AMZ1: variants seen among roughly 807,000 people sequenced by gnomAD.
AMZ1 encodes archaemetzincin-1.
In AMZ1, 39 loss-of-function variants were observed where a neutral mutation model predicts 29.9. The observed-to-expected ratio is 1.30, with a 90% CI of 1.01 to 1.70. The LOEUF is 1.70. Ranked by LOEUF, AMZ1 falls within the 40% of genes most tolerant of loss-of-function variation. The probability of loss-of-function intolerance (pLI) is 0.00; values close to 1 mark genes in which losing one functional copy is unlikely to be tolerated. For synonymous variants in AMZ1, 458 were observed against 304.0 expected, an observed-to-expected ratio of 1.51 and a Z score of -5.27; for missense variants, 1,041 against 680.6, an observed-to-expected ratio of 1.53 and a Z score of -5.89.
At chr7:2,698,137 A>C (rs958108509) in intron 1 of AMZ1, among the ~76,000 whole-genome samples, 1 of 152,228 alleles carries the variant, frequency 6.6e-6, no homozygotes, top group African/African-American at 2.4e-5. Flanking sequence ...ACGTATGCCC[A>C]TGTTGCCACT....
intron 1 of AMZ1, among the ~76,000 whole-genome samples, chr7:2,681,555 C>T (rs1786884745): frequency 6.6e-6 from 1 of 152,174 alleles, no homozygotes; most frequent in Non-Finnish European, 1.5e-5. Context: ...GCCACGGTGC[C>T]CAGCCAAGCC....
intron 4 of AMZ1, among the ~76,000 whole-genome samples, chr7:2,740,629 G>C (rs769208898): frequency 6.6e-6 from 1 of 152,240 alleles, no homozygotes; most frequent in Non-Finnish European, 1.5e-5. Context: ...CAGAGGCAAA[G>C]ATGGTGAAAT....
rs1428813709 is a variant in AMZ1 at position 2,719,020 on chromosome 7, TTTTTC to T, written c.*6143_*6147del. On this transcript the variant is annotated 3_prime_UTR_variant, in exon 7 of 7. Transcript: ENST00000683327. Reference sequence around the variant, plus strand: ...CAAGAACAGGCGACTTTTTTTTTTTTTTTTCCCCCCCATCTGAAGTGAGATCAAAC... The same window carrying T: ...CAAGAACAGGCGACTTTTTTTTTTTTCCCCCCATCTGAAGTGAGATCAAAC... 2.1e-5 allele frequency among the ~76,000 whole-genome samples: 2 copies of T among 97,178 alleles called. No homozygotes were observed. The highest frequency in any genetic ancestry group is 4.3e-5 in the Non-Finnish European group (2 of 46,086). 63.8% of individuals were successfully genotyped at this position (97,178 alleles called of 152,430 possible). A position where few individuals can be genotyped will look rare whatever the true frequency, so the allele number is the denominator to read the frequency against.
chr7:2,701,573 G>T (rs555019335), intron 2 of AMZ1, among the ~76,000 whole-genome samples: 3 of 152,182 alleles, frequency 2.0e-5, no homozygotes, highest in African/African-American at 7.2e-5. Context: ...AGGCAGGTGC[G>T]GGGAGCGCGA....
rs1284023711 is a variant in AMZ1, at chr7:2,716,269, C to A, written c.*3391C>A. ...CTTCAGGCAGCCCCGCAGTCCTCTT[C>A]CGAAATCTCATTCTTTTCCCTCTCT... On this transcript the variant is annotated 3_prime_UTR_variant, in exon 7 of 7. Transcript: ENST00000683327. 6.6e-6 allele frequency: 1 copy of A among 152,206 alleles called. No homozygotes were observed. Among genetic ancestry groups the A allele is most frequent in the African/African-American group, 2.4e-5 (1 of 41,422 alleles). 9.4% of individuals were successfully genotyped at this position (152,206 alleles called of 1,614,324 possible). A position where few individuals can be genotyped will look rare whatever the true frequency, so the allele number is the denominator to read the frequency against.
At position 2,754,582 on chromosome 7, in the gene AMZ1, T is replaced by A. The variant is rs1236299794; in HGVS notation, n.551-10130T>A. Among the ~76,000 whole-genome samples the A allele has an allele frequency of 7.7e-5, 11 of 143,586 alleles. No homozygotes were observed. In the East Asian group the frequency reaches 8.2e-4, roughly 11 times the overall value. 94.2% of individuals were successfully genotyped at this position (143,586 alleles called of 152,430 possible). ...ACATAGTGAGACCTCATCTCTACTT[T>A]AAAAAAAAAAAAAAAATTAGCCAGG... is the stretch of plus-strand genomic sequence containing the variant. On this transcript the variant is annotated intron_variant and non_coding_transcript_variant, in intron 4 of 4. Coordinates refer to the AMZ1 transcript ENST00000489665.
chr7:2,742,403 G>C (rs1028948824), intron 4 of AMZ1, among the ~76,000 whole-genome samples: 2 of 152,154 alleles, frequency 1.3e-5, no homozygotes, highest in South Asian at 2.1e-4. Context: ...ACAGTTTCGA[G>C]ATGATTTTCC....
chr7:2,762,819 C>T (rs748276817), upstream of AMZ1: 18 of 1,523,288 alleles, frequency 1.2e-5, no homozygotes, highest in South Asian at 1.5e-4. Context: ...GCCTCCCATC[C>T]GCCACACACC....
chr7:2,685,796 T>C (rs991935712), upstream of AMZ1, among the ~76,000 whole-genome samples: 58 of 137,926 alleles, frequency 4.2e-4, 1 homozygote, highest in Non-Finnish European at 1.2e-4. Context: ...GAGCTTGCAG[T>C]GAGCCGAGAT....
chr7:2,698,976 C>T (rs1367044251), intron 1 of AMZ1, among the ~76,000 whole-genome samples: 1 of 152,148 alleles, frequency 6.6e-6, no homozygotes, highest in Admixed American at 6.5e-5. Flanking sequence ...GTGTCTAGCT[C>T]AGCTTTCTAC....
At position 2,716,821 on chromosome 7, in the gene AMZ1, G is replaced by C. The variant is rs1789149508; in HGVS notation, c.*3943G>C. Among the ~76,000 whole-genome samples, 1 of 152,334 alleles carries C rather than the reference G, an allele frequency of 6.6e-6. No homozygotes were observed. The highest frequency in any genetic ancestry group is 2.1e-4 in the South Asian group (1 of 4,828). ...TTACATCATCATCGAGTCTCGAAAT[G>C]ACCTGTAAGGCAGATGGCTGCATCC... is the stretch of plus-strand genomic sequence containing the variant. On this transcript the variant is annotated 3_prime_UTR_variant, in exon 7 of 7. Transcript: ENST00000683327.
chr7:2,733,309 T>C, intron 4 of AMZ1: 1 of 709,288 alleles, frequency 1.4e-6, no homozygotes, highest in Non-Finnish European at 2.5e-6. Context: ...AGCGTGCCAT[T>C]ACAGTACTAT....
At chr7:2,759,450 G>C (rs1791457265) in intron 4 of AMZ1, among the ~76,000 whole-genome samples, 1 of 152,198 alleles carries the variant, frequency 6.6e-6, no homozygotes, top group African/African-American at 2.4e-5. Context: ...GGAAGACTGA[G>C]ACAAAGTGGT....
At chr7:2,694,992 G>C (rs904691904) in intron 1 of AMZ1, among the ~76,000 whole-genome samples, 1 of 152,072 alleles carries the variant, frequency 6.6e-6, no homozygotes, top group Non-Finnish European at 1.5e-5. Flanking sequence ...ATATATATTG[G>C]ATAAATGAAT....
chr7:2,718,702 C>T lies in AMZ1; in HGVS notation c.*5824C>T, dbSNP rs1789275853. On this transcript the variant is annotated 3_prime_UTR_variant, in exon 7 of 7. Coordinates refer to ENST00000683327, the MANE Select transcript of AMZ1 (RefSeq NM_001384743.1). ...TTTCTCACGTAGGAGCTCCACTGTC[C>T]CTTCTAACAGGACAGGGCTTGTGCA... Among the ~76,000 whole-genome samples, 1 of 152,234 alleles carries T rather than the reference C, an allele frequency of 6.6e-6. No homozygotes were observed. Among genetic ancestry groups the T allele is most frequent in the Non-Finnish European group, 1.5e-5 (1 of 68,042 alleles).
upstream of AMZ1, among the ~76,000 whole-genome samples, chr7:2,685,083 A>G (rs1038745109): frequency 6.6e-6 from 1 of 151,396 alleles, no homozygotes; most frequent in African/African-American, 2.4e-5. Flanking sequence ...GTTAGCCAGG[A>G]TGGTCTTGAT....
intron 1 of AMZ1, among the ~76,000 whole-genome samples, chr7:2,697,163 C>T (rs11767689): frequency 0.17 from 25,426 of 152,172 alleles, 2,250 homozygotes; most frequent in Non-Finnish European, 0.2. Flanking sequence ...AGTGCAATGG[C>T]GCAATCTCGG....
chr7:2,735,108 C>T (rs1331735266), intron 4 of AMZ1, among the ~76,000 whole-genome samples: 1 of 98,000 alleles, frequency 1.0e-5, no homozygotes, highest in African/African-American at 3.4e-5. Context: ...CCGTTGGGTG[C>T]ACTCACTCCC....
chr7:2,684,928 G>A (rs542917699), upstream of AMZ1, among the ~76,000 whole-genome samples: 4 of 149,182 alleles, frequency 2.7e-5, no homozygotes, highest in South Asian at 8.6e-4. Context: ...GGAGTGCAGT[G>A]GCGCGATCTC....
Sources: gnomAD v4.1 joint callset for allele counts (sites outside exome capture counted in the v4.1 genomes callset) on GRCh38, gnomAD v4.1.1 for gene constraint, MANE v1.5 for transcripts, NCBI Gene and HGNC (gene_info 2026-07-23, HGNC 2026-07-21) for gene names.